The following PRRC2B variants were observed in gnomAD, a reference collection of about 807,000 sequenced individuals.
The protein encoded by PRRC2B is proline rich coiled-coil 2B.
In PRRC2B, 68 loss-of-function variants were observed where a neutral mutation model predicts 242.3. The observed-to-expected ratio is 0.28, with a 90% CI of 0.23 to 0.34. The LOEUF is 0.34. PRRC2B is among the 10% of genes least tolerant of loss of function. PRRC2B has a pLI of 1.00. For missense variants in PRRC2B, 2,835 were observed against 2,954.8 expected (o/e 0.96, Z 0.94); for synonymous variants, 1,228 against 1,173.6 (o/e 1.05, Z -0.95).
intron 1 of PRRC2B, among the ~76,000 whole-genome samples, chr9:131,411,900 A>G (rs1384598208): frequency 6.6e-6 from 1 of 152,010 alleles, no homozygotes; most frequent in Non-Finnish European, 1.5e-5. Flanking sequence ...TGCAACCCCA[A>G]ACTCCTGGAT....
intron 1 of PRRC2B, among the ~76,000 whole-genome samples, chr9:131,404,592 GAAAA>G (rs34830565): frequency 6.6e-6 from 1 of 150,846 alleles, no homozygotes; most frequent in African/African-American, 2.4e-5. Flanking sequence ...CACTCTCTCT[GAAAA>G]AAAAACCAGT....
At chr9:131,445,009 G>A (rs1838748767) in intron 6 of PRRC2B, among the ~76,000 whole-genome samples, 1 of 152,104 alleles carries the variant, frequency 6.6e-6, no homozygotes, top group African/African-American at 2.4e-5. Flanking sequence ...TAAATTGTGA[G>A]GCCTTTTGTT....
rs1588287440 is a variant in PRRC2B at position 131,496,620 on chromosome 9, T to G, written c.*746T>G. 2.7e-5 allele frequency: 3 copies of G among 110,518 alleles called. No individual in the cohort carries two copies. The highest frequency in any genetic ancestry group is 3.6e-5 in the African/African-American group (1 of 28,056). 6.8% of individuals were successfully genotyped at this position (110,518 alleles called of 1,614,324 possible). A position where few individuals can be genotyped will look rare whatever the true frequency, so the allele number is the denominator to read the frequency against. On this transcript the variant is annotated 3_prime_UTR_variant, in exon 32 of 32. Coordinates refer to ENST00000683519, the MANE Select transcript of PRRC2B (RefSeq NM_013318.4). ...TGGGGTGCTCAGAGCAGCAGGCAGG[T>G]TGGGGGAGGGGGGGGGTCATAGTTG...
rs768844972 is a variant in PRRC2B at position 131,455,185 on chromosome 9, C to T, written c.1211+19C>T. On this transcript the variant is annotated intron_variant, in intron 10 of 31. Coordinates refer to ENST00000683519, the MANE Select transcript of PRRC2B (RefSeq NM_013318.4). ...CAAAGTGGTAAGGACCCGTTCCTGC[C>T]CTATCAGCATGAGTGCATCCCTGCT... is the stretch of plus-strand genomic sequence containing the variant. 42 of 1,571,080 alleles carry T rather than the reference C, an allele frequency of 2.7e-5. No homozygotes were observed. In the Admixed American group the frequency reaches 6.9e-4, roughly 26 times the overall value.
intron 30 of PRRC2B, among the ~76,000 whole-genome samples, chr9:131,493,364 T>C (rs1019817399): frequency 5.9e-5 from 9 of 152,224 alleles, no homozygotes; most frequent in Non-Finnish European, 1.2e-4. Flanking sequence ...GTGAAAAAGA[T>C]AGCTGGACAG....
intron 1 of PRRC2B, among the ~76,000 whole-genome samples, chr9:131,422,735 G>A (rs1837877698): frequency 6.6e-6 from 1 of 152,326 alleles, no homozygotes; most frequent in South Asian, 2.1e-4. Context: ...GCGGGGCTTG[G>A]ATGTGAAGTT....
rs1196553800 is a variant in PRRC2B, at chr9:131,436,707, G to A, written c.381G>A (p.Gln127=). Reference sequence around the variant, plus strand: ...TCTCCAATTTGCAGAAACCGACACAGTCAATCAGTCAGGAGGTAGGTGCTG... The same window carrying A: ...TCTCCAATTTGCAGAAACCGACACAATCAATCAGTCAGGAGGTAGGTGCTG... ...KSVSNLQKPT[Q]SISQENTNSV... The change falls in exon 4 of 32, where the codon CAG becomes CAA. Residue 127 remains glutamine, a synonymous_variant. Coordinates refer to ENST00000683519, the MANE Select transcript of PRRC2B (RefSeq NM_013318.4). 6.2e-7 allele frequency: 1 copy of A among 1,613,966 alleles called. No individual in the cohort carries two copies. Among genetic ancestry groups the A allele is most frequent in the African/African-American group, 1.3e-5 (1 of 75,066 alleles).
intron 13 of PRRC2B, among the ~76,000 whole-genome samples, chr9:131,468,840 ACCTGGGAGCCTT>A (rs1943464402): frequency 6.6e-6 from 1 of 151,610 alleles, no homozygotes. Context: ...TCCTCTGGGC[ACCTGGGAGCCTT>A]CCAGGGACCG....
chr9:131,431,535 G>C (rs1370002038), intron 2 of PRRC2B, among the ~76,000 whole-genome samples: 1 of 151,774 alleles, frequency 6.6e-6, no homozygotes, highest in Non-Finnish European at 1.5e-5. Flanking sequence ...AGGGTGCTGG[G>C]ATTACAGGCA....
chr9:131,464,579 A>G (rs912240835), intron 11 of PRRC2B, among the ~76,000 whole-genome samples, 184 bp from the exon 12 acceptor site: 3 of 152,216 alleles, frequency 2.0e-5, no homozygotes, highest in Non-Finnish European at 4.4e-5. Context: ...CTTGGCCTAA[A>G]CCACATTTCA....
At chr9:131,465,637 A>G (rs1943375664) in intron 12 of PRRC2B, among the ~76,000 whole-genome samples, 1 of 152,226 alleles carries the variant, frequency 6.6e-6, no homozygotes, top group Admixed American at 6.5e-5. Flanking sequence ...CTTTAATAAA[A>G]CCACAGATCC....
At chr9:131,439,108 A>C (rs567100319) in intron 5 of PRRC2B, 47 bp downstream of exon 5, 1 of 1,531,234 alleles carries the variant, frequency 6.5e-7, no homozygotes. Context: ...GGGGAGAGGG[A>C]GGTGAATGCC....
intron 1 of PRRC2B, among the ~76,000 whole-genome samples, chr9:131,384,686 G>C (rs1179267256): frequency 6.6e-6 from 1 of 151,570 alleles, no homozygotes; most frequent in African/African-American, 2.4e-5. Context: ...CCAAAGTGCT[G>C]GGATTACAGG....
chr9:131,447,964 A>T, intron 9 of PRRC2B, 160 bp downstream of exon 9: 1 of 606,958 alleles, frequency 1.6e-6, no homozygotes, highest in Non-Finnish European at 2.5e-6. Flanking sequence ...TTCCTCATTT[A>T]CTCCCTGACT....
In PRRC2B at chr9:131,482,503, C is replaced by G. The variant is rs369940686; in HGVS notation, c.5116C>G (p.Leu1706Val). ...GCCAGAGGAGATGAGCGGGCCCGGC[C>G]TGGCGGAACCCAAGGCCGACAGCCA... Reference protein sequence around the residue: ...LKPEEMSGPGLAEPKADSHKE... With the variant: ...LKPEEMSGPGVAEPKADSHKE... Residue 1706 changes from leucine to valine, a missense_variant, in exon 21 of 32, where the codon CTG becomes GTG. By Grantham distance (32) the Leu-to-Val change is conservative (BLOSUM62 1). Transcript: ENST00000683519. This position sits in a 1 kb window ranked among gnomAD's most constrained non-coding sequence, Gnocchi z 5.2. 1 of 1,611,354 alleles carries G rather than the reference C, an allele frequency of 6.2e-7. No homozygotes were observed.
At position 131,494,267 on chromosome 9, in the gene PRRC2B, A is replaced by G; in HGVS notation, c.6474-138A>G. On this transcript the variant is annotated intron_variant, in intron 30 of 31. Coordinates refer to ENST00000683519, the MANE Select transcript of PRRC2B (RefSeq NM_013318.4). This position sits in a 1 kb window ranked among gnomAD's most constrained non-coding sequence, Gnocchi z 4.3. ...GGTCTGTGGTTGTTTTCCATCCAAG[A>G]GATCCACGGACCGTCCCGAGTGAGC... 1 of 599,856 alleles carries G rather than the reference A, an allele frequency of 1.7e-6. No individual in the cohort carries two copies. The highest frequency in any genetic ancestry group is 3.0e-6 in the Non-Finnish European group (1 of 335,708). The allele number at this position is 599,856 out of a possible 1,614,324, so 37.2% of individuals were successfully genotyped here.
chr9:131,456,739 G>A (rs1325358890), intron 10 of PRRC2B, among the ~76,000 whole-genome samples: 4 of 152,244 alleles, frequency 2.6e-5, no homozygotes, highest in Non-Finnish European at 4.4e-5. Context: ...CCAGAAGGTC[G>A]AGGCTGCAGT....
In PRRC2B at chr9:131,487,602, G is replaced by A. The variant is rs1469602904; in HGVS notation, c.5985-254G>A. 1.3e-5 allele frequency among the ~76,000 whole-genome samples: 2 copies of A among 152,174 alleles called. No individual in the cohort carries two copies. Among genetic ancestry groups the A allele is most frequent in the African/African-American group, 4.8e-5 (2 of 41,428 alleles). On this transcript the variant is annotated intron_variant, in intron 27 of 31. Coordinates refer to ENST00000683519, the MANE Select transcript of PRRC2B (RefSeq NM_013318.4). This position sits in a 1 kb window ranked among gnomAD's most constrained non-coding sequence, Gnocchi z 5.3. Reference sequence around the variant, plus strand: ...CTCCCCACCGCGGGCTTCTCCGTCAGTGTGGCTGCCAGTCATTGTGGCTGA... The same window carrying A: ...CTCCCCACCGCGGGCTTCTCCGTCAATGTGGCTGCCAGTCATTGTGGCTGA...
chr9:131,453,131 A>T (rs1034747362), intron 9 of PRRC2B, among the ~76,000 whole-genome samples: 1 of 152,166 alleles, frequency 6.6e-6, no homozygotes. Context: ...TATAGTTTCT[A>T]TGCCTTTCTG....
Sources: gnomAD v4.1 joint callset for allele counts (sites outside exome capture counted in the v4.1 genomes callset) on GRCh38, gnomAD v4.1.1 for gene constraint, Gnocchi (gnomAD v3.1) non-coding constraint, MANE v1.5 for transcripts, NCBI Gene and HGNC (gene_info 2026-07-23, HGNC 2026-07-21) for gene names.